The following PIGR variants were observed in gnomAD, a reference collection of about 807,000 sequenced individuals.
PIGR encodes the protein polymeric immunoglobulin receptor.
PIGR carries 22 observed loss-of-function variants against 69.5 expected under a neutral mutation model. That is an observed-to-expected ratio of 0.32 (90% CI 0.23 to 0.45). The LOEUF (loss-of-function observed/expected upper bound fraction) is 0.45. PIGR is among the 20% of genes least tolerant of loss of function. The pLI is 1.00. For synonymous variants in PIGR, 413 were observed against 407.6 expected, an observed-to-expected ratio of 1.01 and a Z score of -0.16; for missense variants, 885 against 974.0, an observed-to-expected ratio of 0.91 and a Z score of 1.22.
intron 10 of PIGR, chr1:206,931,053 C>T (rs1679729674): frequency 1.0e-6 from 1 of 985,374 alleles, no homozygotes; most frequent in Non-Finnish European, 1.2e-6. Context: ...CTTCTAGCCT[C>T]AAACTGCCCA....
chr1:206,935,566 C>T lies in PIGR; in HGVS notation c.1298G>A (p.Ser433Asn). 6.2e-7 allele frequency: 1 copy of T among 1,614,196 alleles called. No individual in the cohort carries two copies. The highest frequency in any genetic ancestry group is 1.6e-4 in the Middle Eastern group (1 of 6,062). ...TFTVILNQLT[S>N]RDAGFYWCLT... ...ACACCAGTAGAAGCCGGCGTCCCGG[C>T]TGGTGAGCTGGTTGAGGATGACAGT... Residue 433 changes from serine (S) to asparagine (N), a missense_variant, in exon 5 of 11, where the codon AGC (serine) becomes AAC (asparagine). Ser to Asn is a conservative substitution (Grantham distance 46, BLOSUM62 1). Transcript: ENST00000356495. The surrounding 1 kb of genome is among the most constrained non-coding windows in gnomAD (Gnocchi z 4.4).
At position 206,940,578 on chromosome 1, in the gene PIGR, T is replaced by C. The variant is rs1679961957; in HGVS notation, c.-47A>G. On this transcript the variant is annotated 5_prime_UTR_variant, in exon 2 of 11. Transcript: ENST00000356495. The stretch of plus-strand genomic sequence containing the variant: ...GCACCACTCAGGCCGACTTCTCCTG[T>C]GCAATGCTGAAAAACAATAATCACA... 6.6e-7 allele frequency: 1 copy of C among 1,520,168 alleles called. No homozygotes were observed. The highest frequency in any genetic ancestry group is 1.4e-5 in the African/African-American group (1 of 72,120). The allele number at this position is 1,520,168 out of a possible 1,614,324, so 94.2% of individuals were successfully genotyped here.
rs1486823934 is a variant in PIGR, at chr1:206,946,239, G to T, written c.-54+97C>A. On this transcript the variant is annotated intron_variant, in intron 1 of 10. Coordinates refer to ENST00000356495, the MANE Select transcript of PIGR (RefSeq NM_002644.4). The stretch of plus-strand genomic sequence containing the variant: ...GTCCTTGTCACCCCACTATCTAGGA[G>T]ACTGGGAGTTGGGAATGGAGGGGGT... The T allele has an allele frequency of 2.0e-5, 3 of 152,524 alleles. No homozygotes were observed. The East Asian group carries it at 5.8e-4, about 29-fold the overall frequency. 9.4% of individuals were successfully genotyped at this position (152,524 alleles called of 1,614,324 possible). A position where few individuals can be genotyped will look rare whatever the true frequency, so the allele number is the denominator to read the frequency against.
chr1:206,945,916 C>T (rs1341074498), intron 1 of PIGR, among the ~76,000 whole-genome samples: 2 of 152,144 alleles, frequency 1.3e-5, no homozygotes, highest in African/African-American at 4.8e-5. Flanking sequence ...CCCACATTGA[C>T]CCTGAATGAT....
At position 206,931,791 on chromosome 1, in the gene PIGR, T is replaced by C. The variant is rs1679758730; in HGVS notation, c.2020A>G (p.Ile674Val). 6.2e-7 allele frequency: 1 copy of C among 1,614,134 alleles called. No individual in the cohort carries two copies. Among genetic ancestry groups the C allele is most frequent in the Non-Finnish European group, 8.5e-7 (1 of 1,180,024 alleles). Residue 674 changes from isoleucine (I) to valine (V), a missense_variant, in exon 9 of 11, where the codon ATC becomes GTC. Ile to Val is a conservative substitution (Grantham distance 29, BLOSUM62 3). Transcript: ENST00000356495. ...RHRKNVDRVS[I>V]RSYRTDISMS... The stretch of plus-strand genomic sequence containing the variant: ...CTAATGTCTGTCCTGTAGCTTCTGA[T>C]TGAAACTCGGTCTGTCCGGGAGGAA...
intron 3 of PIGR, among the ~76,000 whole-genome samples, chr1:206,938,467 C>CTT (rs966321308): frequency 1.1e-4 from 16 of 152,178 alleles, no homozygotes; most frequent in African/African-American, 3.9e-4. Context: ...CCCTGAATTT[C>CTT]TTTTCTCCGT....
At chr1:206,932,617 A>G (rs769735808) in intron 7 of PIGR, 40 bp from the exon 8 acceptor site, 2 of 1,575,788 alleles carry the variant, frequency 1.3e-6, no homozygotes, top group African/African-American at 2.7e-5. Flanking sequence ...TGGAAGGGAG[A>G]TCTGGGGGCC....
Position 206,935,909 on chromosome 1 carries a change from A to T in PIGR, c.1046-91T>A. 1 of 914,742 alleles carries T rather than the reference A, an allele frequency of 1.1e-6. No homozygotes were observed. The highest frequency in any genetic ancestry group is 1.6e-5 in the South Asian group (1 of 60,814). The allele number at this position is 914,742 out of a possible 1,614,324, so 56.7% of individuals were successfully genotyped here. ...AAGCCTTCTTCCCGGGGTCTCAGCC[A>T]GGATGGGGAGTGAAGTTTACACGCA... On this transcript the variant is annotated intron_variant, in intron 4 of 10. Coordinates refer to ENST00000356495, the MANE Select transcript of PIGR (RefSeq NM_002644.4). The surrounding 1 kb of genome is among the most constrained non-coding windows in gnomAD (Gnocchi z 4.4).
intron 6 of PIGR, among the ~76,000 whole-genome samples, chr1:206,933,825 T>C (rs1679810049): frequency 6.6e-6 from 1 of 151,988 alleles, no homozygotes; most frequent in Admixed American, 6.5e-5. Context: ...TATTTCCAGA[T>C]ATAGAAGAGA....
At chr1:206,936,527 G>T (rs1449270742) in intron 4 of PIGR, among the ~76,000 whole-genome samples, 1 of 152,232 alleles carries the variant, frequency 6.6e-6, no homozygotes, top group Non-Finnish European at 1.5e-5. Flanking sequence ...AGGGTGCTCT[G>T]GGATGAGAAG....
chr1:206,940,543 C>G lies in PIGR; in HGVS notation c.-12G>C, dbSNP rs564790265. The G allele has an allele frequency of 1.3e-6, 2 of 1,551,088 alleles. No individual in the cohort carries two copies. Among genetic ancestry groups the G allele is most frequent in the Admixed American group, 3.9e-5 (2 of 50,870 alleles). The stretch of plus-strand genomic sequence containing the variant: ...ACGAAGAGCAGCATTGCTGGTGGGT[C>G]CCGAGCGCCGCACCACTCAGGCCGA... On this transcript the variant is annotated 5_prime_UTR_variant, in exon 2 of 11. Transcript: ENST00000356495.
At chr1:206,938,265 G>T (rs1373223981) in intron 3 of PIGR, among the ~76,000 whole-genome samples, 1 of 152,212 alleles carries the variant, frequency 6.6e-6, no homozygotes, top group Non-Finnish European at 1.5e-5. Flanking sequence ...CTGCTAAAGT[G>T]CTTAATCAGA....
In PIGR at chr1:206,935,424, T is replaced by C. The variant is rs536938244; in HGVS notation, c.1378+62A>G. ...GCGGGTGAAAAAGGAGGAAGAGTGGTTGGGGATGCTGCTGCTGGCTGGAGA... is the reference window on the plus strand; with the variant it reads ...GCGGGTGAAAAAGGAGGAAGAGTGGCTGGGGATGCTGCTGCTGGCTGGAGA... On this transcript the variant is annotated intron_variant, in intron 5 of 10. Transcript: ENST00000356495. The surrounding 1 kb of genome is among the most constrained non-coding windows in gnomAD (Gnocchi z 4.4). 6.6e-6 allele frequency: 9 copies of C among 1,373,516 alleles called. No homozygotes were observed. Among genetic ancestry groups the C allele is most frequent in the South Asian group, 5.1e-5 (4 of 78,234 alleles). 85.1% of individuals were successfully genotyped at this position (1,373,516 alleles called of 1,614,324 possible).
intron 8 of PIGR, among the ~76,000 whole-genome samples, chr1:206,932,135 C>G (rs1679766767): frequency 6.6e-6 from 1 of 152,160 alleles, no homozygotes; most frequent in African/African-American, 2.4e-5. Flanking sequence ...AAGGATGGCT[C>G]AATGTCACAC....
At chr1:206,931,012 C>G (rs1483463751) in intron 10 of PIGR, 11 of 985,294 alleles carry the variant, frequency 1.1e-5, no homozygotes, top group Admixed American at 6.1e-5. Flanking sequence ...GGAGTTGCCT[C>G]TGGTGGGGCT....
At chr1:206,938,724 C>A (rs1679918726) in intron 3 of PIGR, among the ~76,000 whole-genome samples, 1 of 152,104 alleles carries the variant, frequency 6.6e-6, no homozygotes, top group African/African-American at 2.4e-5. Context: ...GCGGCCCAAA[C>A]CTTGATGGAA....
intron 1 of PIGR, among the ~76,000 whole-genome samples, chr1:206,941,239 T>A (rs1679978893): frequency 6.6e-6 from 1 of 152,140 alleles, no homozygotes; most frequent in African/African-American, 2.4e-5. Flanking sequence ...GGTTAAGTAC[T>A]TTCCTCAAGG....
chr1:206,943,415 G>A (rs1454107034), intron 1 of PIGR, among the ~76,000 whole-genome samples: 4 of 152,146 alleles, frequency 2.6e-5, no homozygotes, highest in African/African-American at 7.2e-5. Flanking sequence ...ATGAGGGCAC[G>A]TTTTCTGGTC....
In PIGR at chr1:206,929,932, A is replaced by T. The variant is rs959743425; in HGVS notation, c.*386T>A. On this transcript the variant is annotated 3_prime_UTR_variant, in exon 11 of 11. Coordinates refer to ENST00000356495, the MANE Select transcript of PIGR (RefSeq NM_002644.4). Reference sequence around the variant, plus strand: ...GGGGAAGGACGGGAGGGAGGGATGGAGTGGAGGGAAAAATTCTGTTGACAT... The same window carrying T: ...GGGGAAGGACGGGAGGGAGGGATGGTGTGGAGGGAAAAATTCTGTTGACAT... 1.1e-5 allele frequency: 2 copies of T among 185,766 alleles called. No individual in the cohort carries two copies. The highest frequency in any genetic ancestry group is 4.7e-5 in the African/African-American group (2 of 42,774). 11.5% of individuals were successfully genotyped at this position (185,766 alleles called of 1,614,324 possible).
Sources: gnomAD v4.1 joint callset for allele counts (sites outside exome capture counted in the v4.1 genomes callset) on GRCh38, gnomAD v4.1.1 for gene constraint, Gnocchi (gnomAD v3.1) non-coding constraint, MANE v1.5 for transcripts, NCBI Gene and HGNC (gene_info 2026-07-23, HGNC 2026-07-21) for gene names.